The following COL11A2 variants were observed in gnomAD, a reference collection of about 807,000 sequenced individuals.
COL11A2 encodes collagen alpha-2(XI) chain.
Under a neutral mutation model 273.4 loss-of-function variants are expected in COL11A2, and 116 were observed. That is an observed-to-expected ratio of 0.42 (90% CI 0.36 to 0.49). The LOEUF (loss-of-function observed/expected upper bound fraction) is 0.49. COL11A2 is among the 20% of genes least tolerant of loss of function. The pLI is 0.00. For synonymous variants in COL11A2, 782 were observed against 864.2 expected, an observed-to-expected ratio of 0.90 and a Z score of 1.67; for missense variants, 1,866 against 2,309.0, an observed-to-expected ratio of 0.81 and a Z score of 3.93.
At chr6:33,184,713 T>C (rs550928429) in intron 7 of COL11A2, among the ~76,000 whole-genome samples, 32 of 151,958 alleles carry the variant, frequency 2.1e-4, no homozygotes, top group African/African-American at 4.8e-4. Flanking sequence ...AAATAGGACA[T>C]AGAAAGTAAG....
rs541288921 is a variant in COL11A2 at position 33,180,716 on chromosome 6, G to C, written c.1236C>G (p.Pro412=). 1.3e-5 allele frequency: 21 copies of C among 1,611,274 alleles called. No individual in the cohort carries two copies. The African/African-American group carries it at 2.1e-4, about 16-fold the overall frequency. ...GPEGPAGLIG[P]PGIQGNPGPV... ...GGCCTGGGTTCCCCTGGATGCCAGG[G>C]GGACCAATCAATCCCTGAGGAACAA... is the stretch of plus-strand genomic sequence containing the variant. Residue 412 remains proline, a synonymous_variant, in exon 11 of 66, where the codon CCC becomes CCG. Coordinates refer to ENST00000341947, the MANE Select transcript of COL11A2 (RefSeq NM_080680.3).
rs753372109 is a variant in COL11A2 at position 33,176,096 on chromosome 6, C to T, written c.2215-27G>A. On this transcript the variant is annotated intron_variant, in intron 28 of 65. Transcript: ENST00000341947. This position sits in a 1 kb window ranked among gnomAD's most constrained non-coding sequence, Gnocchi z 4.9. The stretch of plus-strand genomic sequence containing the variant: ...TGAGAAAGATAGAGGTGAGAGGGCA[C>T]CACAGATGACAGAGGGCTGGGGTTC... 133 of 1,612,684 alleles carry T rather than the reference C, an allele frequency of 8.2e-5. No individual in the cohort carries two copies. Among genetic ancestry groups the T allele is most frequent in the Non-Finnish European group, 1.1e-4 (130 of 1,179,902 alleles).
intron 8 of COL11A2, among the ~76,000 whole-genome samples, chr6:33,183,001 C>T (rs1260837758): frequency 1.3e-5 from 2 of 152,094 alleles, no homozygotes; most frequent in Non-Finnish European, 2.9e-5. Context: ...CCCAAATACC[C>T]AGAGAGCAGC....
At chr6:33,175,371 G>A (rs899238867) in intron 30 of COL11A2, 10 of 691,930 alleles carry the variant, frequency 1.4e-5, no homozygotes, top group African/African-American at 7.0e-5. Flanking sequence ...CCAACTCTTC[G>A]TGTCAGGGAC....
rs111316349 is a variant in COL11A2, at chr6:33,176,542, C to A, written c.2116-56G>T. ...GGGCCTCAGAGTGTCACTGTGGGGG[C>A]CTCCAGGGGTGGAAGAAATGGAAGT... On this transcript the variant is annotated intron_variant, in intron 26 of 65. Coordinates refer to ENST00000341947, the MANE Select transcript of COL11A2 (RefSeq NM_080680.3). This position sits in a 1 kb window ranked among gnomAD's most constrained non-coding sequence, Gnocchi z 4.9. 3 of 1,531,898 alleles carry A rather than the reference C, an allele frequency of 2.0e-6. No individual in the cohort carries two copies. Among genetic ancestry groups the A allele is most frequent in the African/African-American group, 2.7e-5 (2 of 72,956 alleles). The allele number at this position is 1,531,898 out of a possible 1,614,324, so 94.9% of individuals were successfully genotyped here.
rs886044178 is a variant in COL11A2, at chr6:33,164,948, G to A, written c.4767C>T (p.Asp1589=). 6.3e-7 allele frequency: 1 copy of A among 1,575,704 alleles called. No homozygotes were observed. The highest frequency in any genetic ancestry group is 1.3e-5 in the African/African-American group (1 of 74,300). The change falls in exon 64 of 66, where the codon GAC becomes GAT. Residue 1589 remains aspartate, a synonymous_variant. Coordinates refer to ENST00000341947, the MANE Select transcript of COL11A2 (RefSeq NM_080680.3). This position sits in a 1 kb window ranked among gnomAD's most constrained non-coding sequence, Gnocchi z 4.7. ...CATCCCGAGCACAGCCCTGGTTGGGGTCGACCCAGTACTCTCCTGTTGGGT... is the reference window on the plus strand; with the variant it reads ...CATCCCGAGCACAGCCCTGGTTGGGATCGACCCAGTACTCTCCTGTTGGGT... ...PELPDGEYWV[D]PNQGCARDAF... is the part of the protein sequence containing the mutation.
rs1276172770 is a variant in COL11A2, at chr6:33,189,327, A to T, written c.225T>A (p.Leu75=). Residue 75 remains leucine, a synonymous_variant, in exon 2 of 66, where the codon CTT becomes CTA. Coordinates refer to ENST00000341947, the MANE Select transcript of COL11A2 (RefSeq NM_080680.3). This position sits in a 1 kb window ranked among gnomAD's most constrained non-coding sequence, Gnocchi z 5.6. ...CCACCATGTCACCCATACCTGGGAA[A>T]AGCTGGCGAGTGGGTGCACTGAGCT... ...PAQLSAPTRQ[L]FPGGFPKDFS... The T allele has an allele frequency of 5.6e-6, 9 of 1,613,736 alleles. No individual in the cohort carries two copies. The highest frequency in any genetic ancestry group is 7.6e-6 in the Non-Finnish European group (9 of 1,180,018).
At chr6:33,188,254 A>G in intron 4 of COL11A2, 108 bp downstream of exon 4, 1 of 1,361,602 alleles carries the variant, frequency 7.3e-7, no homozygotes, top group Non-Finnish European at 1.0e-6. Flanking sequence ...TCATAAGAAA[A>G]AAAAATGAAG....
In COL11A2 at chr6:33,172,517, G is replaced by A. The variant is rs1770254134; in HGVS notation, c.2898+13C>T. The A allele has an allele frequency of 1.9e-6, 3 of 1,609,598 alleles. No individual in the cohort carries two copies. The highest frequency in any genetic ancestry group is 1.7e-5 in the Admixed American group (1 of 59,968). Reference sequence around the variant, plus strand: ...AGCTCCCCCACTTCCCCTCTGCCTGGCCCCTCACTGACCTTTGTTCCTTCT... The same window carrying A: ...AGCTCCCCCACTTCCCCTCTGCCTGACCCCTCACTGACCTTTGTTCCTTCT... On this transcript the variant is annotated intron_variant, in intron 39 of 65. Transcript: ENST00000341947.
chr6:33,172,413 T>C, intron 39 of COL11A2, 35 bp from the exon 40 acceptor site: 1 of 1,564,710 alleles, frequency 6.4e-7, no homozygotes, highest in Admixed American at 1.8e-5. Flanking sequence ...GCCACAGCCA[T>C]GCTCCCAAAT....
rs2150565842 is a variant in COL11A2, at chr6:33,175,638, T to A, written c.2312A>T (p.Glu771Val). 6.2e-7 allele frequency: 1 copy of A among 1,612,832 alleles called. No homozygotes were observed. The highest frequency in any genetic ancestry group is 2.2e-5 in the East Asian group (1 of 44,842). The change falls in exon 30 of 66, where the codon GAG (glutamate) becomes GTG (valine). Residue 771 changes from glutamate (E) to valine (V), a missense_variant. Physicochemically the swap from Glu to Val is moderately radical, Grantham distance 121. Transcript: ENST00000341947. ...CGGTCCAGTGCGTCCCTTTGGCCCCTCAGGACCATCCTCTCCCCTGGAACC... is the reference window on the plus strand; with the variant it reads ...CGGTCCAGTGCGTCCCTTTGGCCCCACAGGACCATCCTCTCCCCTGGAACC... ...VPGSRGEDGP[E>V]GPKGRTGPTG...
chr6:33,172,865 G>GA (rs1467389450), intron 38 of COL11A2, among the ~76,000 whole-genome samples, 195 bp downstream of exon 38: 2 of 152,112 alleles, frequency 1.3e-5, no homozygotes, highest in Non-Finnish European at 2.9e-5. Flanking sequence ...TCTCCTGGGG[G>GA]ACAAGACGAT....
chr6:33,169,701 TAGAGGATGGCAGGG>T lies in COL11A2; in HGVS notation c.3690+116_3690+129del. On this transcript the variant is annotated intron_variant, in intron 50 of 65. Transcript: ENST00000341947. The surrounding 1 kb of genome is among the most constrained non-coding windows in gnomAD (Gnocchi z 5.5). ...CACTCAGACCAGGGATCAGGCCTCA[TAGAGGATGGCAGGG>T]AGCAGAGACTCTTGCTGCAGAGGAG... 8.0e-7 allele frequency: 1 copy of T among 1,252,008 alleles called. No individual in the cohort carries two copies. The highest frequency in any genetic ancestry group is 1.7e-5 in the Admixed American group (1 of 58,770). The allele number at this position is 1,252,008 out of a possible 1,614,324, so 77.6% of individuals were successfully genotyped here.
chr6:33,189,394 A>G lies in COL11A2; in HGVS notation c.158T>C (p.Ile53Thr). The G allele has an allele frequency of 6.2e-7, 1 of 1,613,174 alleles. No individual in the cohort carries two copies. The change falls in exon 2 of 66, where the codon ATC becomes ACC. Residue 53 changes from isoleucine to threonine, a missense_variant. Transcript: ENST00000341947. The surrounding 1 kb of genome is among the most constrained non-coding windows in gnomAD (Gnocchi z 5.6). ...TCGGTAGGCCACATCAGCTGGACAG[A>G]TGCCTTTCGCTCTCCGGACACCATC... is the stretch of plus-strand genomic sequence containing the variant. ...LPDGVRRAKG[I>T]CPADVAYRVA...
In COL11A2 at chr6:33,170,382, G is replaced by A. The variant is rs753183777; in HGVS notation, c.3529-3C>T. ...GGTCCTGGGGGGCCAGGTGGTCCCTGGGGGAAACAGATACACCACAGATGA... is the reference window on the plus strand; with the variant it reads ...GGTCCTGGGGGGCCAGGTGGTCCCTAGGGGAAACAGATACACCACAGATGA... On this transcript the variant is annotated splice_polypyrimidine_tract_variant and splice_region_variant and intron_variant, in intron 47 of 65. Coordinates refer to ENST00000341947, the MANE Select transcript of COL11A2 (RefSeq NM_080680.3). The surrounding 1 kb of genome is among the most constrained non-coding windows in gnomAD (Gnocchi z 4.3). 20 of 1,612,800 alleles carry A rather than the reference G, an allele frequency of 1.2e-5. No homozygotes were observed. The Admixed American group carries it at 2.0e-4, about 16-fold the overall frequency.
At chr6:33,168,923 T>C in intron 52 of COL11A2, 32 bp downstream of exon 52, 1 of 1,588,624 alleles carries the variant, frequency 6.3e-7, no homozygotes, top group Non-Finnish European at 8.6e-7. Flanking sequence ...CCCCACCCTT[T>C]TTGCCCCTTC....
In COL11A2 at chr6:33,166,311, C is replaced by A. The variant is rs1205164374; in HGVS notation, c.4393-105G>T. ...AGTCCACAGGAGCCTCGGGTTACTA[C>A]AGGAGGGGCAGTCTTGTGGGAATAC... On this transcript the variant is annotated intron_variant, in intron 60 of 65. Coordinates refer to ENST00000341947, the MANE Select transcript of COL11A2 (RefSeq NM_080680.3). This position sits in a 1 kb window ranked among gnomAD's most constrained non-coding sequence, Gnocchi z 4.8. The A allele has an allele frequency of 2.1e-6, 3 of 1,423,860 alleles. No individual in the cohort carries two copies. The highest frequency in any genetic ancestry group is 4.2e-5 in the Admixed American group (2 of 47,884). 88.2% of individuals were successfully genotyped at this position (1,423,860 alleles called of 1,614,324 possible).
rs911722283 is a variant in COL11A2, at chr6:33,171,805, G to A, written c.3058C>T (p.Arg1020Ter). The A allele has an allele frequency of 5.6e-6, 9 of 1,612,732 alleles. No homozygotes were observed. The highest frequency in any genetic ancestry group is 7.6e-6 in the Non-Finnish European group (9 of 1,179,958). Residue 1020 changes from arginine to a stop codon, truncating the protein, a stop_gained, in exon 42 of 66, where the codon CGA (arginine) becomes TGA (stop). Transcript: ENST00000341947. LOFTEE classifies it high-confidence loss of function. ...GGTCCCCCTGATCCTGCTGCACCTC[G>A]TTCCCCAGGGGAGCCCTGAGAAAGC... ...PPGPAGSPGERGAAGSGGPIG... is the reference protein window; with the variant it reads ...PPGPAGSPGE
chr6:33,192,350 G>C lies in COL11A2; in HGVS notation c.-110C>G. On this transcript the variant is annotated 5_prime_UTR_variant, in exon 1 of 66. Coordinates refer to ENST00000341947, the MANE Select transcript of COL11A2 (RefSeq NM_080680.3). Reference sequence around the variant, plus strand: ...CAGACTATGAGCCTCAGACGCCGGGGTCCCAGGGAGGTCAGAGGCTGCGGG... The same window carrying C: ...CAGACTATGAGCCTCAGACGCCGGGCTCCCAGGGAGGTCAGAGGCTGCGGG... 9.1e-7 allele frequency: 1 copy of C among 1,102,946 alleles called. No homozygotes were observed. The highest frequency in any genetic ancestry group is 1.3e-6 in the Non-Finnish European group (1 of 750,160). 68.3% of individuals were successfully genotyped at this position (1,102,946 alleles called of 1,614,324 possible). A position where few individuals can be genotyped will look rare whatever the true frequency, so the allele number is the denominator to read the frequency against.
Sources: allele counts gnomAD v4.1 joint callset (sites outside exome capture counted in the v4.1 genomes callset), GRCh38; gene constraint gnomAD v4.1.1; non-coding constraint Gnocchi (gnomAD v3.1); transcripts MANE v1.5; gene names NCBI Gene and HGNC (gene_info 2026-07-23, HGNC 2026-07-21).